The following CCDC77 variants were observed in gnomAD, a reference collection of about 807,000 sequenced individuals.
CCDC77 encodes the protein coiled-coil domain containing 77, also known as coiled-coil domain-containing protein 77.
In CCDC77, 56 loss-of-function variants were observed where a neutral mutation model predicts 66.8. That is an observed-to-expected ratio of 0.84 (90% CI 0.68 to 1.05). The LOEUF is 1.05. Among genes scored for constraint, CCDC77 ranks in the 50% least tolerant of loss-of-function variants. The pLI, the probability that CCDC77 is intolerant of heterozygous loss-of-function variation, is 0.00. For synonymous variants in CCDC77, 196 were observed against 195.2 expected (o/e 1.00, Z -0.03); for missense variants, 570 against 576.8 (o/e 0.99, Z 0.12).
At chr12:437,946 G>A (rs1348910582) in intron 9 of CCDC77, among the ~76,000 whole-genome samples, 1 of 151,872 alleles carries the variant, frequency 6.6e-6, no homozygotes, top group Non-Finnish European at 1.5e-5. Context: ...AAGCAAAGCT[G>A]TTTTTGATAC....
rs746214585 is a variant in CCDC77, at chr12:431,945, C to G, written c.663C>G (p.Leu221=). 1 of 1,605,884 alleles carries G rather than the reference C, an allele frequency of 6.2e-7. No homozygotes were observed. Among genetic ancestry groups the G allele is most frequent in the Non-Finnish European group, 8.5e-7 (1 of 1,173,388 alleles). The stretch of plus-strand genomic sequence containing the variant: ...ATTACCAAAGAGACATACAGACACT[C>G]ATCCTACAGGTAAAGAATGTATTTT... The part of the protein sequence containing the change: ...SEHYQRDIQT[L]ILQVEALQAQ... Residue 221 remains leucine (L), a synonymous_variant, in exon 8 of 13, where the codon CTC becomes CTG. Coordinates refer to ENST00000239830, the MANE Select transcript of CCDC77 (RefSeq NM_032358.4).
chr12:436,540 A>G (rs1945763226), intron 9 of CCDC77, among the ~76,000 whole-genome samples: 1 of 152,014 alleles, frequency 6.6e-6, no homozygotes, highest in Non-Finnish European at 1.5e-5. Context: ...GTTTCTTTTA[A>G]CATAGTATAA....
At chr12:406,551 G>A (rs1944994621) in intron 2 of CCDC77, among the ~76,000 whole-genome samples, 2 of 152,218 alleles carry the variant, frequency 1.3e-5, no homozygotes, top group Admixed American at 6.5e-5. Context: ...GACCCTCTGA[G>A]TAAGATGAAA....
intron 4 of CCDC77, among the ~76,000 whole-genome samples, chr12:415,324 C>A (rs71435005): frequency 3.7e-5 from 3 of 80,840 alleles, no homozygotes; most frequent in African/African-American, 6.3e-5. Flanking sequence ...TTAATATAAT[C>A]AACATAATAT....
At chr12:435,014 C>T (rs1419467386) in intron 9 of CCDC77, among the ~76,000 whole-genome samples, 1 of 148,918 alleles carries the variant, frequency 6.7e-6, no homozygotes, top group Non-Finnish European at 1.5e-5. Flanking sequence ...TTTCCAAATG[C>T]TCCCATCCCC....
intron 1 of CCDC77, among the ~76,000 whole-genome samples, chr12:403,552 G>A (rs1192600414): frequency 6.6e-6 from 1 of 152,168 alleles, no homozygotes; most frequent in East Asian, 1.9e-4. Flanking sequence ...GGAGAGCAGT[G>A]GGGCAATCTC....
At chr12:438,295 G>C in intron 9 of CCDC77, 40 bp from the exon 10 acceptor site, 1 of 1,354,324 alleles carries the variant, frequency 7.4e-7, no homozygotes, top group Non-Finnish European at 1.0e-6. Context: ...GGTGTGCTGT[G>C]TGCGCATCCT....
intron 6 of CCDC77, 73 bp downstream of exon 6, chr12:428,938 C>G: frequency 2.2e-6 from 2 of 889,346 alleles, no homozygotes; most frequent in East Asian, 5.4e-5. Context: ...ATCAGAAGAA[C>G]TTTAGTATCC....
chr12:391,145 C>G (rs570520511), intron 1 of CCDC77, among the ~76,000 whole-genome samples: 12 of 152,210 alleles, frequency 7.9e-5, no homozygotes, highest in African/African-American at 2.9e-4. Flanking sequence ...CATAATAATT[C>G]CATACAATTA....
At position 439,649 on chromosome 12, in the gene CCDC77, G is replaced by A. The variant is rs1945824695; in HGVS notation, c.1042-968G>A. On this transcript the variant is annotated intron_variant, in intron 10 of 12. Transcript: ENST00000239830. ...TAAAAAAATAGCCAGGCGTGGTGGC[G>A]GACACCTGTAATCCCAGCTACTTGA... Among the ~76,000 whole-genome samples, 6 of 151,686 alleles carry A rather than the reference G, an allele frequency of 4.0e-5. No homozygotes were observed. In the South Asian group the frequency reaches 8.3e-4, roughly 21 times the overall value.
intron 5 of CCDC77, among the ~76,000 whole-genome samples, chr12:422,484 A>C (rs959767238): frequency 6.6e-6 from 1 of 152,204 alleles, no homozygotes; most frequent in South Asian, 2.1e-4. Context: ...CGTCTCCATG[A>C]ATTTGACGAT....
chr12:436,484 A>G (rs1945760920), intron 9 of CCDC77, among the ~76,000 whole-genome samples: 1 of 151,930 alleles, frequency 6.6e-6, no homozygotes, highest in Non-Finnish European at 1.5e-5. Context: ...TCAGCCTCCC[A>G]AAGTGTTGGG....
intron 1 of CCDC77, among the ~76,000 whole-genome samples, chr12:403,279 C>CAAT (rs1288891460): frequency 6.6e-6 from 1 of 152,060 alleles, no homozygotes; most frequent in Non-Finnish European, 1.5e-5. Flanking sequence ...GTAAAATTGT[C>CAAT]AATAATAATA....
At chr12:411,648 T>A in intron 3 of CCDC77, 99 bp from the exon 4 acceptor site, 1 of 977,752 alleles carries the variant, frequency 1.0e-6, no homozygotes. Flanking sequence ...ACCTTAATTA[T>A]AAGCACTTTG....
At chr12:423,712 G>C (rs1047572517) in intron 5 of CCDC77, among the ~76,000 whole-genome samples, 4 of 151,786 alleles carry the variant, frequency 2.6e-5, no homozygotes, top group African/African-American at 9.7e-5. Context: ...GCCCAGGCTG[G>C]TCTCACACTC....
chr12:425,252 T>C (rs1384683394), intron 5 of CCDC77, among the ~76,000 whole-genome samples: 1 of 142,730 alleles, frequency 7.0e-6, no homozygotes, highest in Non-Finnish European at 1.5e-5. Flanking sequence ...GTTTTTGGTG[T>C]CCCACGGTCA....
At chr12:405,012 G>A (rs1028392567) in intron 1 of CCDC77, among the ~76,000 whole-genome samples, 1 of 152,134 alleles carries the variant, frequency 6.6e-6, no homozygotes, top group South Asian at 2.1e-4. Flanking sequence ...AGGAGCCACT[G>A]TGCCCAGCCG....
chr12:423,470 G>GTGTTTTTTTTTTTTTT (rs1565572116), intron 5 of CCDC77, among the ~76,000 whole-genome samples: 2 of 44,846 alleles, frequency 4.5e-5, no homozygotes, highest in Admixed American at 3.2e-4. Context: ...TGTTTTTTGT[G>GTGTTTTTTTTTTTTTT]TTTTTTGTGT....
chr12:439,413 G>A (rs1267974017), intron 10 of CCDC77, among the ~76,000 whole-genome samples: 4 of 151,790 alleles, frequency 2.6e-5, no homozygotes, highest in Admixed American at 2.0e-4. Context: ...CCAGTTACTC[G>A]GGAGGCTGAG....
Sources: gnomAD v4.1 joint callset for allele counts (sites outside exome capture counted in the v4.1 genomes callset) on GRCh38, gnomAD v4.1.1 for gene constraint, MANE v1.5 for transcripts, NCBI Gene and HGNC (gene_info 2026-07-23, HGNC 2026-07-21) for gene names.